The following AP1AR variants were observed in gnomAD, a reference collection of about 807,000 sequenced individuals.
AP1AR encodes the protein adaptor related protein complex 1 associated regulatory protein, also known as AP-1 complex-associated regulatory protein.
A neutral mutation model predicts 46.3 loss-of-function variants in AP1AR; 29 were observed. The ratio of observed to expected loss-of-function variants is 0.63; its 90% CI spans 0.47 to 0.85. The LOEUF is 0.85. AP1AR is among the 40% of genes least tolerant of loss of function. The pLI is 0.00. For synonymous variants in AP1AR, 122 were observed against 122.9 expected, an observed-to-expected ratio of 0.99 and a Z score of 0.05; for missense variants, 357 against 356.3, an observed-to-expected ratio of 1.00 and a Z score of -0.02.
At chr4:112,256,550 TCTC>T (rs1018673507) in intron 3 of AP1AR, among the ~76,000 whole-genome samples, 2 of 152,202 alleles carry the variant, frequency 1.3e-5, no homozygotes, top group East Asian at 1.9e-4. Context: ...TAACCCCTCT[TCTC>T]CTCTCTAATT....
chr4:112,252,486 C>T (rs1726000936), intron 1 of AP1AR, among the ~76,000 whole-genome samples: 1 of 152,174 alleles, frequency 6.6e-6, no homozygotes, highest in Admixed American at 6.5e-5. Flanking sequence ...GTGGCCCTCT[C>T]CTGGGATGCC....
chr4:112,234,177 T>TA (rs1308140033), intron 1 of AP1AR, among the ~76,000 whole-genome samples: 3 of 152,246 alleles, frequency 2.0e-5, no homozygotes, highest in African/African-American at 7.2e-5. Context: ...GAGTATTTCT[T>TA]ATCTGAAATA....
In AP1AR at chr4:112,231,793, G is replaced by T; in HGVS notation, c.-299G>T. The T allele has an allele frequency of 3.5e-6, 1 of 283,970 alleles. No individual in the cohort carries two copies. The highest frequency in any genetic ancestry group is 6.5e-6 in the Non-Finnish European group (1 of 153,542). The allele number at this position is 283,970 out of a possible 1,614,324, so 17.6% of individuals were successfully genotyped here. On this transcript the variant is annotated 5_prime_UTR_variant, in exon 1 of 10. Transcript: ENST00000274000. Reference sequence around the variant, plus strand: ...TCGGCAGCTGGAGGCGGTCACTCACGCTGGGCTAGGAGCTGAGGCGAGAAG... The same window carrying T: ...TCGGCAGCTGGAGGCGGTCACTCACTCTGGGCTAGGAGCTGAGGCGAGAAG...
In AP1AR at chr4:112,271,892, G is replaced by T. The variant is rs1198870689; in HGVS notation, c.*3483G>T. ...CCCAGGGGAGCACATAGGCAGAAAAGCCCCACTAAGTGTTGACATTTAGAA... is the reference window on the plus strand; with the variant it reads ...CCCAGGGGAGCACATAGGCAGAAAATCCCCACTAAGTGTTGACATTTAGAA... On this transcript the variant is annotated 3_prime_UTR_variant, in exon 10 of 10. Transcript: ENST00000274000. 6.6e-6 allele frequency among the ~76,000 whole-genome samples: 1 copy of T among 152,184 alleles called. No homozygotes were observed. Among genetic ancestry groups the T allele is most frequent in the African/African-American group, 2.4e-5 (1 of 41,442 alleles).
chr4:112,258,589 G>A (rs1726304464), intron 4 of AP1AR, among the ~76,000 whole-genome samples: 1 of 152,164 alleles, frequency 6.6e-6, no homozygotes, highest in South Asian at 2.1e-4. Context: ...GATAACACCT[G>A]GTGTTGATTG....
rs78888492 is a variant in AP1AR, at chr4:112,257,037, G to C, written c.160-735G>C. Among the ~76,000 whole-genome samples, 1,012 of 152,244 alleles carry C rather than the reference G, an allele frequency of 6.6e-3. 8 individuals are homozygous for C. The highest frequency in any genetic ancestry group is 0.023 in the African/African-American group (948 of 41,524). On this transcript the variant is annotated intron_variant, in intron 3 of 9. Coordinates refer to ENST00000274000, the MANE Select transcript of AP1AR (RefSeq NM_018569.6). ...CAGCCAATAGCACAAACTCATGCTT[G>C]TATGAAGCTTACCTAACACACATAT...
rs565354495 is a variant in AP1AR at position 112,253,411 on chromosome 4, A to C, written c.132+155A>C. On this transcript the variant is annotated intron_variant, in intron 2 of 9. Coordinates refer to ENST00000274000, the MANE Select transcript of AP1AR (RefSeq NM_018569.6). ...TAGTGAAGATTGAAAGAGTTGGAGC[A>C]GTGAGGGAAGGAATGAGTAGGAAGA... 96 of 622,722 alleles carry C rather than the reference A, an allele frequency of 1.5e-4. No homozygotes were observed. The African/African-American group carries it at 1.7e-3, about 11-fold the overall frequency. 38.6% of individuals were successfully genotyped at this position (622,722 alleles called of 1,614,324 possible). A position where few individuals can be genotyped will look rare whatever the true frequency, so the allele number is the denominator to read the frequency against.
chr4:112,237,242 G>A (rs1725281550), intron 1 of AP1AR, among the ~76,000 whole-genome samples: 5 of 151,982 alleles, frequency 3.3e-5, no homozygotes, highest in Admixed American at 3.3e-4. Flanking sequence ...GAGTAGCTGG[G>A]ATTACAGGTG....
rs141114851 is a variant in AP1AR, at chr4:112,264,242, A to G, written c.382-767A>G. ...CACTTTTTACTGTAATAGATTATCT[A>G]CTGCTTCCCTTTTAAAGACAAAGCA... is the stretch of plus-strand genomic sequence containing the variant. On this transcript the variant is annotated intron_variant, in intron 6 of 9. Coordinates refer to ENST00000274000, the MANE Select transcript of AP1AR (RefSeq NM_018569.6). Among the ~76,000 whole-genome samples, 300 of 152,318 alleles carry G rather than the reference A, an allele frequency of 2.0e-3. 2 individuals carry two copies. Among genetic ancestry groups the G allele is most frequent in the Non-Finnish European group, 3.5e-3 (241 of 68,014 alleles).
In AP1AR at chr4:112,257,818, A is replaced by T. The variant is rs528654692; in HGVS notation, c.185+21A>T. On this transcript the variant is annotated intron_variant, in intron 4 of 9. Transcript: ENST00000274000. ...CATAGGTAAGGCTTTGTTAAAAAAA[A>T]AAAACAAAACTTCTATGCAAACTGT... is the stretch of plus-strand genomic sequence containing the variant. 5.1e-5 allele frequency: 79 copies of T among 1,544,934 alleles called. No individual in the cohort carries two copies. The Middle Eastern group carries it at 6.3e-4, about 12-fold the overall frequency.
chr4:112,272,960 A>T lies in AP1AR; in HGVS notation c.*4551A>T, dbSNP rs1727015843. On this transcript the variant is annotated 3_prime_UTR_variant, in exon 10 of 10. Transcript: ENST00000274000. ...ACATCTAAAAAAGATTTTATGTTAA[A>T]TATGTAGTGTTTTCCCATCTTCATT... 1 of 152,068 alleles carries T rather than the reference A, an allele frequency of 6.6e-6. No individual in the cohort carries two copies. The highest frequency in any genetic ancestry group is 2.1e-4 in the South Asian group (1 of 4,832). The allele number at this position is 152,068 out of a possible 1,614,324, so 9.4% of individuals were successfully genotyped here.
intron 2 of AP1AR, among the ~76,000 whole-genome samples, chr4:112,254,149 G>A (rs1726082710): frequency 1.3e-5 from 2 of 152,246 alleles, no homozygotes; most frequent in East Asian, 3.9e-4. Flanking sequence ...AAACACTTTA[G>A]TGATATAATA....
intron 4 of AP1AR, among the ~76,000 whole-genome samples, chr4:112,258,617 G>A (rs1726305479): frequency 6.6e-6 from 1 of 152,192 alleles, no homozygotes; most frequent in Non-Finnish European, 1.5e-5. Flanking sequence ...GTTGGTTAAT[G>A]CTAACTATCC....
At position 112,268,579 on chromosome 4, in the gene AP1AR, G is replaced by C. The variant is rs773563014; in HGVS notation, c.*170G>C. 90 of 559,396 alleles carry C rather than the reference G, an allele frequency of 1.6e-4. 1 individual carries two copies. Among genetic ancestry groups the C allele is most frequent in the Non-Finnish European group, 2.5e-5 (9 of 361,432 alleles). 34.7% of individuals were successfully genotyped at this position (559,396 alleles called of 1,614,324 possible). ...GGATGATAGGATCTGAATTGATACA[G>C]AATTAAGTGCAATTTCATCATCTGC... On this transcript the variant is annotated 3_prime_UTR_variant, in exon 10 of 10. Transcript: ENST00000274000.
chr4:112,264,477 G>A (rs144732645), intron 6 of AP1AR, among the ~76,000 whole-genome samples: 442 of 152,254 alleles, frequency 2.9e-3, no homozygotes, highest in African/African-American at 9.7e-3. Context: ...TATAGGTGAA[G>A]GAACAGTAGG....
chr4:112,247,919 G>A (rs1305019675), intron 1 of AP1AR, among the ~76,000 whole-genome samples: 1 of 152,124 alleles, frequency 6.6e-6, no homozygotes, highest in East Asian at 1.9e-4. Flanking sequence ...TATGATGGGT[G>A]GATTAGGCTG....
chr4:112,243,537 C>G lies in AP1AR; in HGVS notation c.84-9671C>G, dbSNP rs938923341. On this transcript the variant is annotated intron_variant, in intron 1 of 9. Transcript: ENST00000274000. Reference sequence around the variant, plus strand: ...TTCATTCTATACGTTTATCCCCGCTCACTGTTTAGGACTTGTATCATTCTT... The same window carrying G: ...TTCATTCTATACGTTTATCCCCGCTGACTGTTTAGGACTTGTATCATTCTT... Among the ~76,000 whole-genome samples, 6 of 152,334 alleles carry G rather than the reference C, an allele frequency of 3.9e-5. No individual in the cohort carries two copies. In the East Asian group the frequency reaches 1.2e-3, roughly 29 times the overall value.
At position 112,263,073 on chromosome 4, in the gene AP1AR, G is replaced by A. The variant is rs766729050; in HGVS notation, c.368G>A (p.Arg123Gln). 2.1e-5 allele frequency: 34 copies of A among 1,613,586 alleles called. No individual in the cohort carries two copies. The East Asian group carries it at 4.2e-4, about 20-fold the overall frequency. Residue 123 changes from arginine to glutamine, a missense_variant, in exon 6 of 10, where the codon CGA (arginine) becomes CAA (glutamine). This residue lies in a region of AP1AR where 269 missense variants were observed against 223.6 expected (regional missense o/e 1.20). Coordinates refer to ENST00000274000, the MANE Select transcript of AP1AR (RefSeq NM_018569.6). Reference sequence around the variant, plus strand: ...GAAGCAGCCAGGGCAGCAAAGCAGCGAAAGCTCTTGGAGGTGAGGGGAAAA... The same window carrying A: ...GAAGCAGCCAGGGCAGCAAAGCAGCAAAAGCTCTTGGAGGTGAGGGGAAAA... ...QREAARAAKQ[R>Q]KLLEQERQRI...
intron 1 of AP1AR, among the ~76,000 whole-genome samples, chr4:112,235,018 G>T (rs558398895): frequency 6.6e-6 from 1 of 152,086 alleles, no homozygotes; most frequent in Non-Finnish European, 1.5e-5. Context: ...TATATTCTAG[G>T]ATATCTGTTT....
Sources: gnomAD v4.1 joint callset for allele counts (sites outside exome capture counted in the v4.1 genomes callset) on GRCh38, gnomAD v4.1.1 for gene constraint, gnomAD v4.1.1 regional missense constraint, MANE v1.5 for transcripts, NCBI Gene and HGNC (gene_info 2026-07-23, HGNC 2026-07-21) for gene names.